The following USO1 variants were observed in gnomAD, a reference collection of about 807,000 sequenced individuals.
USO1 encodes the protein USO1 vesicle transport factor.
USO1 carries 57 observed loss-of-function variants against 124.5 expected under a neutral mutation model. The observed-to-expected ratio is 0.46, with a 90% CI of 0.37 to 0.57. The LOEUF is 0.57. USO1 is among the 20% of genes least tolerant of loss of function. The pLI is 0.00. For missense variants in USO1, 900 were observed against 1,040.6 expected, an observed-to-expected ratio of 0.86 and a Z score of 1.86; for synonymous variants, 369 against 362.8, an observed-to-expected ratio of 1.02 and a Z score of -0.19.
In USO1 at chr4:75,771,129, C is replaced by T. The variant is rs1256563192; in HGVS notation, c.547C>T (p.Arg183Cys). The change falls in exon 7 of 24, where the codon CGT (arginine) becomes TGT (cysteine). Residue 183 changes from arginine (R) to cysteine (C), a missense_variant. By Grantham distance (180) the Arg-to-Cys change is radical. This residue lies in a region of USO1 where 538 missense variants were observed against 681.6 expected (regional missense o/e 0.79). Coordinates refer to ENST00000514213, the MANE Select transcript of USO1 (RefSeq NM_003715.4). ...ACTAGCGGATTCCAGGGAAGTTATA[C>T]GTAATGATGTAAGTTAAATTTCAAA... Reference protein sequence around the residue: ...DLLADSREVIRNDGVLLLQAL... With the variant: ...DLLADSREVICNDGVLLLQAL... 12 of 1,607,428 alleles carry T rather than the reference C, an allele frequency of 7.5e-6. No individual in the cohort carries two copies. The highest frequency in any genetic ancestry group is 2.2e-5 in the East Asian group (1 of 44,774).
At chr4:75,757,391 T>C in intron 3 of USO1, 106 bp from the exon 4 acceptor site, 1 of 1,028,060 alleles carries the variant, frequency 9.7e-7, no homozygotes, top group Non-Finnish European at 1.3e-6. Flanking sequence ...TCTTAGAGTA[T>C]GCCTTTAGAA....
At chr4:75,789,873 C>T (rs1722477703) in intron 10 of USO1, among the ~76,000 whole-genome samples, 1 of 151,704 alleles carries the variant, frequency 6.6e-6, no homozygotes, top group South Asian at 2.1e-4. Flanking sequence ...GAGACCCATG[C>T]TTAATGCTTT....
intron 8 of USO1, among the ~76,000 whole-genome samples, chr4:75,780,760 A>ACCTCAGCCT (rs1211049645): frequency 4.3e-5 from 6 of 139,888 alleles, no homozygotes; most frequent in African/African-American, 1.4e-4. Flanking sequence ...CAATTCTCGT[A>ACCTCAGCCT]CCTCAGCCTC....
intron 1 of USO1, chr4:75,730,026 G>T (rs1267818034): frequency 2.0e-5 from 6 of 293,438 alleles, no homozygotes; most frequent in Non-Finnish European, 3.4e-5. Flanking sequence ...TTAATAACCA[G>T]GTCAATGTCA....
chr4:75,795,053 A>G (rs1722640111), intron 13 of USO1, among the ~76,000 whole-genome samples: 1 of 152,234 alleles, frequency 6.6e-6, no homozygotes, highest in African/African-American at 2.4e-5. Flanking sequence ...CATTGAAATT[A>G]CAATGAATGC....
At chr4:75,799,527 G>C in intron 13 of USO1, 95 bp from the exon 14 acceptor site, 1 of 1,407,508 alleles carries the variant, frequency 7.1e-7, no homozygotes, top group Non-Finnish European at 9.6e-7. Flanking sequence ...AGATGTTAAA[G>C]TTCTTTTCAT....
chr4:75,801,889 G>A (rs532365772), intron 17 of USO1, among the ~76,000 whole-genome samples: 4 of 152,176 alleles, frequency 2.6e-5, no homozygotes, highest in Non-Finnish European at 4.4e-5. Context: ...GCGCAGTCTC[G>A]GCTCACTGCA....
chr4:75,732,493 A>G (rs1720660654), intron 1 of USO1, among the ~76,000 whole-genome samples: 1 of 152,196 alleles, frequency 6.6e-6, no homozygotes, highest in Admixed American at 6.6e-5. Flanking sequence ...GCTTTTTGAT[A>G]GAATGATTTA....
Position 75,787,222 on chromosome 4 carries a change from A to T in USO1, c.996+20A>T. 6.8e-7 allele frequency: 1 copy of T among 1,471,962 alleles called. No individual in the cohort carries two copies. The highest frequency in any genetic ancestry group is 9.0e-7 in the Non-Finnish European group (1 of 1,110,192). The allele number at this position is 1,471,962 out of a possible 1,614,324, so 91.2% of individuals were successfully genotyped here. A position where few individuals can be genotyped will look rare whatever the true frequency, so the allele number is the denominator to read the frequency against. On this transcript the variant is annotated intron_variant, in intron 10 of 23. Coordinates refer to ENST00000514213, the MANE Select transcript of USO1 (RefSeq NM_003715.4). ...ACTGAGGTAAAGCAAATGAAGTCAA[A>T]GCCAACTCTGTGGAAGTTGAAATCC...
chr4:75,759,246 C>CTGTTTTTTTTTTTTTTTTTTT (rs1721527113), intron 4 of USO1, among the ~76,000 whole-genome samples: 1 of 69,126 alleles, frequency 1.4e-5, no homozygotes, highest in African/African-American at 6.4e-5. Flanking sequence ...TATTAAGGAC[C>CTGTTTTTTTTTTTTTTTTTTT]TTTTTTTTTT....
chr4:75,745,461 A>T, intron 1 of USO1: 1 of 443,036 alleles, frequency 2.3e-6, no homozygotes, highest in Non-Finnish European at 4.5e-6. Context: ...TCTGACTCAT[A>T]TTTCTCTACA....
At chr4:75,798,384 C>T (rs1224413644) in intron 13 of USO1, among the ~76,000 whole-genome samples, 1 of 152,086 alleles carries the variant, frequency 6.6e-6, no homozygotes, top group African/African-American at 2.4e-5. Flanking sequence ...GCATTTGTAA[C>T]TCGAGTAGTT....
chr4:75,730,484 T>C (rs751202908), intron 1 of USO1, among the ~76,000 whole-genome samples: 18 of 152,128 alleles, frequency 1.2e-4, no homozygotes, highest in Non-Finnish European at 2.5e-4. Context: ...CTTTGTTATC[T>C]ATTATTTTGA....
At chr4:75,764,551 A>G (rs532865497) in intron 4 of USO1, among the ~76,000 whole-genome samples, 108 of 152,340 alleles carry the variant, frequency 7.1e-4, no homozygotes, top group Non-Finnish European at 1.2e-3. Flanking sequence ...TTATGTTTAC[A>G]TATGTAAAAA....
chr4:75,736,643 G>C (rs1720800987), intron 1 of USO1, among the ~76,000 whole-genome samples: 1 of 152,102 alleles, frequency 6.6e-6, no homozygotes, highest in African/African-American at 2.4e-5. Context: ...ATCTTTCCAT[G>C]TTAAAACATA....
intron 9 of USO1, among the ~76,000 whole-genome samples, chr4:75,784,486 T>C (rs540282612): frequency 1.3e-5 from 2 of 152,312 alleles, no homozygotes; most frequent in African/African-American, 4.8e-5. Context: ...TAGGGTACTA[T>C]GTAAAGAATT....
chr4:75,742,373 G>A (rs1231429833), intron 1 of USO1, among the ~76,000 whole-genome samples: 2 of 152,322 alleles, frequency 1.3e-5, no homozygotes, highest in East Asian at 3.9e-4. Context: ...CATCATATGG[G>A]ACGTCTGTGC....
intron 1 of USO1, among the ~76,000 whole-genome samples, chr4:75,739,251 ATTATAT>A (rs1357646741): frequency 6.6e-6 from 1 of 152,182 alleles, no homozygotes; most frequent in Admixed American, 6.6e-5. Flanking sequence ...ACTTTAAAAG[ATTATAT>A]TTAAGGGACA....
chr4:75,746,439 C>T (rs1223643305), intron 1 of USO1, among the ~76,000 whole-genome samples: 1 of 152,100 alleles, frequency 6.6e-6, no homozygotes, highest in Non-Finnish European at 1.5e-5. Context: ...GTTGGTTTTT[C>T]AAGTAGGAAA....
Sources: allele counts gnomAD v4.1 joint callset (sites outside exome capture counted in the v4.1 genomes callset), GRCh38; gene constraint gnomAD v4.1.1; regional missense constraint gnomAD v4.1.1; transcripts MANE v1.5; gene names NCBI Gene and HGNC (gene_info 2026-07-23, HGNC 2026-07-21).